Variants in PXDNL observed in about 807,000 individuals in gnomAD.
PXDNL encodes the protein peroxidasin like, also known as probable oxidoreductase PXDNL.
Under a neutral mutation model 150.8 loss-of-function variants are expected in PXDNL, and 145 were observed. The observed-to-expected ratio is 0.96, with a 90% CI of 0.84 to 1.10. The LOEUF (loss-of-function observed/expected upper bound fraction) is 1.10. Ranked by LOEUF, PXDNL falls within the 50% of genes least tolerant of loss-of-function variation. The pLI, the probability that PXDNL is intolerant of heterozygous loss-of-function variation, is 0.00. For synonymous variants in PXDNL, 757 were observed against 725.7 expected, an observed-to-expected ratio of 1.04 and a Z score of -0.69; for missense variants, 2,087 against 1,873.9, an observed-to-expected ratio of 1.11 and a Z score of -2.10.
chr8:51,642,901 G>A (rs4295654), intron 2 of PXDNL, among the ~76,000 whole-genome samples: 25,642 of 152,002 alleles, frequency 0.17, 2,500 homozygotes, highest in Non-Finnish European at 0.22. Context: ...ACCAATAACA[G>A]GCAAACAGAG....
intron 1 of PXDNL, among the ~76,000 whole-genome samples, chr8:51,681,118 G>A (rs1815740895): frequency 6.6e-6 from 1 of 152,126 alleles, no homozygotes; most frequent in African/African-American, 2.4e-5. Context: ...CAGTGGACCT[G>A]AGCATGCATG....
At chr8:51,370,874 G>A (rs1459633838) in intron 19 of PXDNL, among the ~76,000 whole-genome samples, 1 of 152,236 alleles carries the variant, frequency 6.6e-6, no homozygotes, top group Non-Finnish European at 1.5e-5. Context: ...TGGGATTACA[G>A]GCGTGAGCCT....
intron 3 of PXDNL, among the ~76,000 whole-genome samples, chr8:51,588,425 A>G (rs1051873148): frequency 8.5e-5 from 13 of 152,220 alleles, no homozygotes; most frequent in African/African-American, 2.7e-4. Flanking sequence ...ATGTCTTACA[A>G]GAGCCCAGAC....
chr8:51,695,375 T>A (rs1367046517), intron 1 of PXDNL, among the ~76,000 whole-genome samples: 1 of 152,302 alleles, frequency 6.6e-6, no homozygotes, highest in South Asian at 2.1e-4. Flanking sequence ...ATTAAAGCAC[T>A]TAGCACAGAA....
At chr8:51,346,746 G>A (rs1389329644) in intron 19 of PXDNL, among the ~76,000 whole-genome samples, 1 of 152,130 alleles carries the variant, frequency 6.6e-6, no homozygotes, top group African/African-American at 2.4e-5. Flanking sequence ...CATGTGCCCT[G>A]CCTCCTGCTC....
intron 1 of PXDNL, among the ~76,000 whole-genome samples, chr8:51,744,055 AAGGAAGGAAGGAAGGAAG>A (rs2036939485): frequency 4.2e-4 from 25 of 59,080 alleles, no homozygotes; most frequent in Non-Finnish European, 7.2e-4. Context: ...GGAAGGAAGG[AAGGAAGGAAGGAAGGAAG>A]GAAGGAAGGA....
chr8:51,333,614 C>G (rs1805753857), intron 21 of PXDNL, among the ~76,000 whole-genome samples: 2 of 152,080 alleles, frequency 1.3e-5, no homozygotes, highest in Non-Finnish European at 2.9e-5. Context: ...TCACCTCACA[C>G]ATAAGGACTC....
At chr8:51,398,206 G>A (rs574749507) in intron 17 of PXDNL, among the ~76,000 whole-genome samples, 108 of 152,302 alleles carry the variant, frequency 7.1e-4, no homozygotes, top group Non-Finnish European at 9.6e-4. Flanking sequence ...GTTTCCCTTC[G>A]GGAGAAATCT....
chr8:51,634,813 C>A (rs1016908864), intron 2 of PXDNL, among the ~76,000 whole-genome samples: 8 of 152,144 alleles, frequency 5.3e-5, no homozygotes, highest in East Asian at 1.9e-4. Context: ...ATATTGATTT[C>A]TGTACATTGA....
At chr8:51,703,313 G>T (rs1436172823) in intron 1 of PXDNL, among the ~76,000 whole-genome samples, 2 of 151,334 alleles carry the variant, frequency 1.3e-5, no homozygotes, top group Non-Finnish European at 1.5e-5. Context: ...AAAGATAGTG[G>T]CATTTCTTAT....
rs1188033805 is a variant in PXDNL, at chr8:51,455,131, A to AAAAAAAAAAAAAAAG, written c.983-1347_983-1346insCTTTTTTTTTTTTTT. Among the ~76,000 whole-genome samples, 28 of 91,818 alleles carry AAAAAAAAAAAAAAAG rather than the reference A, an allele frequency of 3.0e-4. 3 individuals carry two copies. Among genetic ancestry groups the AAAAAAAAAAAAAAAG allele is most frequent in the Non-Finnish European group, 4.9e-4 (24 of 49,394 alleles). The allele number at this position is 91,818 out of a possible 152,430, so 60.2% of individuals were successfully genotyped here. ...ACTCCGTCTCAAAAAAAAAAAAAAA[A>AAAAAAAAAAAAAAAG]AAGAGGTAAGGGAAAGTATAGGGAA... On this transcript the variant is annotated intron_variant, in intron 9 of 22. Coordinates refer to ENST00000356297, the MANE Select transcript of PXDNL (RefSeq NM_144651.5).
At chr8:51,565,516 A>G (rs2130573642) in intron 3 of PXDNL, among the ~76,000 whole-genome samples, 1 of 151,720 alleles carries the variant, frequency 6.6e-6, no homozygotes, top group East Asian at 2.0e-4. Context: ...CACTGTAATA[A>G]TAATATGTCG....
intron 3 of PXDNL, among the ~76,000 whole-genome samples, chr8:51,562,568 G>A (rs970901519): frequency 6.6e-6 from 1 of 152,002 alleles, no homozygotes; most frequent in Non-Finnish European, 1.5e-5. Context: ...TCTCAGTGTA[G>A]ATAAAACTTA....
intron 1 of PXDNL, among the ~76,000 whole-genome samples, chr8:51,745,247 G>A (rs1029946800): frequency 6.6e-6 from 1 of 151,834 alleles, no homozygotes; most frequent in Non-Finnish European, 1.5e-5. Context: ...AAATCTTAAA[G>A]GACCTTTCAT....
At chr8:51,790,003 G>A (rs1340137422) in intron 1 of PXDNL, among the ~76,000 whole-genome samples, 1 of 151,996 alleles carries the variant, frequency 6.6e-6, no homozygotes, top group Non-Finnish European at 1.5e-5. Flanking sequence ...GATGTAACAA[G>A]ACTTACAGTG....
chr8:51,507,767 G>A (rs929041490), intron 4 of PXDNL, among the ~76,000 whole-genome samples: 4 of 152,184 alleles, frequency 2.6e-5, no homozygotes, highest in African/African-American at 9.7e-5. Context: ...GCAGCTGGAA[G>A]TGGTGGTGCT....
At chr8:51,734,443 T>C (rs929584543) in intron 1 of PXDNL, among the ~76,000 whole-genome samples, 4 of 152,204 alleles carry the variant, frequency 2.6e-5, no homozygotes, top group African/African-American at 9.7e-5. Flanking sequence ...GTTGTGATAG[T>C]TGGGTTCTGA....
At chr8:51,699,604 G>A (rs1223716531) in intron 1 of PXDNL, among the ~76,000 whole-genome samples, 1 of 152,182 alleles carries the variant, frequency 6.6e-6, no homozygotes, top group African/African-American at 2.4e-5. Context: ...TCACAACTTG[G>A]CTGTTCGGCA....
chr8:51,514,313 T>C (rs1274570653), intron 4 of PXDNL, among the ~76,000 whole-genome samples: 3 of 152,230 alleles, frequency 2.0e-5, no homozygotes, highest in Non-Finnish European at 4.4e-5. Flanking sequence ...AAAGACTATA[T>C]TGTTTCAGTC....
Sources: gnomAD v4.1 joint callset for allele counts (sites outside exome capture counted in the v4.1 genomes callset) on GRCh38, gnomAD v4.1.1 for gene constraint, MANE v1.5 for transcripts, NCBI Gene and HGNC (gene_info 2026-07-23, HGNC 2026-07-21) for gene names.